LRRC4C: variants seen among roughly 807,000 people sequenced by gnomAD.
The protein encoded by LRRC4C is leucine rich repeat containing 4C.
In LRRC4C, 5 loss-of-function variants were observed where a neutral mutation model predicts 33.6. The observed-to-expected ratio is 0.15, with a 90% CI of 0.08 to 0.31. The LOEUF is 0.31. LRRC4C is among the 10% of genes least tolerant of loss of function. The probability of loss-of-function intolerance (pLI) is 1.00; values close to 1 mark genes in which losing one functional copy is unlikely to be tolerated. For synonymous variants in LRRC4C, 329 were observed against 302.0 expected (o/e 1.09, Z -0.93); for missense variants, 560 against 796.7 (o/e 0.70, Z 3.58).
At chr11:40,640,741 G>T (rs905041349) in intron 3 of LRRC4C, among the ~76,000 whole-genome samples, 3 of 151,972 alleles carry the variant, frequency 2.0e-5, no homozygotes, top group African/African-American at 7.2e-5. Flanking sequence ...TTGGCCAGGC[G>T]CCATGGCTCA....
At chr11:41,420,907 A>C (rs1467911767) in intron 1 of LRRC4C, among the ~76,000 whole-genome samples, 2 of 152,038 alleles carry the variant, frequency 1.3e-5, no homozygotes, top group African/African-American at 4.8e-5. Flanking sequence ...ATAGATGAGG[A>C]AAAAGGTATT....
At chr11:41,372,063 G>A (rs1252553743) in intron 1 of LRRC4C, among the ~76,000 whole-genome samples, 21 of 152,188 alleles carry the variant, frequency 1.4e-4, no homozygotes, top group Admixed American at 6.5e-4. Flanking sequence ...CGTGAACCCC[G>A]GAGGCAGAAA....
At chr11:40,393,838 T>A (rs1949433232) in intron 3 of LRRC4C, among the ~76,000 whole-genome samples, 1 of 152,148 alleles carries the variant, frequency 6.6e-6, no homozygotes, top group Admixed American at 6.6e-5. Context: ...ATTATGAGAT[T>A]TGATTAGGGA....
At chr11:40,864,229 T>A (rs1954243339) in intron 2 of LRRC4C, among the ~76,000 whole-genome samples, 1 of 151,942 alleles carries the variant, frequency 6.6e-6, no homozygotes, top group South Asian at 2.1e-4. Flanking sequence ...CCACCATGCC[T>A]GGCTAATTTT....
At chr11:41,263,425 C>A (rs1378225518) in intron 1 of LRRC4C, among the ~76,000 whole-genome samples, 1 of 152,034 alleles carries the variant, frequency 6.6e-6, no homozygotes, top group Non-Finnish European at 1.5e-5. Context: ...TTCTCAGTGC[C>A]ACAGATTCTG....
intron 2 of LRRC4C, among the ~76,000 whole-genome samples, chr11:40,789,770 G>A (rs915402412): frequency 6.6e-6 from 1 of 152,050 alleles, no homozygotes; most frequent in Non-Finnish European, 1.5e-5. Flanking sequence ...ATCTTCCAAG[G>A]TAATGAAGAA....
intron 1 of LRRC4C, among the ~76,000 whole-genome samples, chr11:41,192,361 T>A (rs1455026970): frequency 6.7e-6 from 1 of 148,290 alleles, no homozygotes; most frequent in Non-Finnish European, 1.5e-5. Flanking sequence ...TGTTCAGTAC[T>A]TTACAGAATT....
chr11:40,476,028 C>T (rs1488699403), intron 3 of LRRC4C, among the ~76,000 whole-genome samples: 2 of 152,146 alleles, frequency 1.3e-5, no homozygotes. Flanking sequence ...CCACTAGGTG[C>T]CAGTAATACC....
Position 40,114,287 on chromosome 11 carries a change from T to G in LRRC4C, c.*83A>C. On this transcript the variant is annotated 3_prime_UTR_variant, in exon 7 of 7. Coordinates refer to ENST00000528697, the MANE Select transcript of LRRC4C (RefSeq NM_001258419.2). ...TTGTAAAGACACTTTTTTGAAACAG[T>G]AGATTTAGCCCAGTCATTTGTGTCA... 7.3e-7 allele frequency: 1 copy of G among 1,369,284 alleles called. No homozygotes were observed. The highest frequency in any genetic ancestry group is 9.7e-7 in the Non-Finnish European group (1 of 1,028,550). 84.8% of individuals were successfully genotyped at this position (1,369,284 alleles called of 1,614,324 possible). A position where few individuals can be genotyped will look rare whatever the true frequency, so the allele number is the denominator to read the frequency against.
chr11:40,405,710 A>G (rs980969342), intron 3 of LRRC4C, among the ~76,000 whole-genome samples: 1 of 147,258 alleles, frequency 6.8e-6, no homozygotes, highest in African/African-American at 2.5e-5. Flanking sequence ...TTTTTGAGGA[A>G]CTTACAAAAG....
intron 1 of LRRC4C, among the ~76,000 whole-genome samples, chr11:41,415,005 G>T (rs1011651129): frequency 1.3e-4 from 20 of 151,960 alleles, no homozygotes; most frequent in African/African-American, 4.8e-4. Context: ...AAGTAATTAG[G>T]CCAATTAAAA....
intron 1 of LRRC4C, among the ~76,000 whole-genome samples, chr11:41,396,684 G>C (rs1179217814): frequency 1.3e-5 from 2 of 151,940 alleles, no homozygotes; most frequent in Non-Finnish European, 1.5e-5. Flanking sequence ...GAAGTTTGTT[G>C]TGCAGATTAT....
At chr11:40,408,762 T>C (rs1432965421) in intron 3 of LRRC4C, among the ~76,000 whole-genome samples, 1 of 151,880 alleles carries the variant, frequency 6.6e-6, no homozygotes, top group Non-Finnish European at 1.5e-5. Context: ...CTACTAAAAT[T>C]GAAGAAGACA....
chr11:41,003,018 TATC>T (rs1854494711), intron 1 of LRRC4C, among the ~76,000 whole-genome samples: 1 of 152,170 alleles, frequency 6.6e-6, no homozygotes, highest in Non-Finnish European at 1.5e-5. Flanking sequence ...TGTGTATAGT[TATC>T]ATAGTTAAAT....
chr11:40,804,259 A>G (rs949469034), intron 2 of LRRC4C, among the ~76,000 whole-genome samples: 1 of 152,148 alleles, frequency 6.6e-6, no homozygotes, highest in Non-Finnish European at 1.5e-5. Context: ...TACAAATTTG[A>G]TAGCTGTATC....
chr11:40,377,074 G>A (rs1481439741), intron 3 of LRRC4C, among the ~76,000 whole-genome samples: 2 of 151,948 alleles, frequency 1.3e-5, no homozygotes, highest in South Asian at 2.1e-4. Flanking sequence ...TTCATAAATA[G>A]CACAGCATGA....
At chr11:40,521,530 G>T (rs955445963) in intron 3 of LRRC4C, among the ~76,000 whole-genome samples, 4 of 152,074 alleles carry the variant, frequency 2.6e-5, no homozygotes, top group Non-Finnish European at 4.4e-5. Context: ...AATGAGAAAT[G>T]CACAGAGACA....
chr11:41,037,883 T>G (rs1486779899), intron 1 of LRRC4C, among the ~76,000 whole-genome samples: 1 of 152,174 alleles, frequency 6.6e-6, no homozygotes, highest in Non-Finnish European at 1.5e-5. Context: ...TATGCATTCA[T>G]GTTTGCCTGG....
intron 5 of LRRC4C, among the ~76,000 whole-genome samples, chr11:40,220,609 G>C (rs1864332739): frequency 6.6e-6 from 1 of 152,088 alleles, no homozygotes; most frequent in Non-Finnish European, 1.5e-5. Flanking sequence ...GTTGGCAAAA[G>C]CAACAGTTTT....
Sources: gnomAD v4.1 joint callset for allele counts (sites outside exome capture counted in the v4.1 genomes callset) on GRCh38, gnomAD v4.1.1 for gene constraint, MANE v1.5 for transcripts, NCBI Gene and HGNC (gene_info 2026-07-23, HGNC 2026-07-21) for gene names.